The following TSPAN5 variants were observed in gnomAD, a reference collection of about 807,000 sequenced individuals.
The protein encoded by TSPAN5 is tetraspanin-5.
In TSPAN5, 10 loss-of-function variants were observed where a neutral mutation model predicts 37.1. That is an observed-to-expected ratio of 0.27 (90% CI 0.17 to 0.46). The LOEUF is 0.46. Among genes scored for constraint, TSPAN5 ranks in the 20% least tolerant of loss-of-function variants. The pLI is 1.00. For missense variants in TSPAN5, 195 were observed against 326.6 expected (o/e 0.60, Z 3.11); for synonymous variants, 110 against 118.9 (o/e 0.93, Z 0.48).
chr4:98,560,878 T>C (rs1233569361), intron 1 of TSPAN5, among the ~76,000 whole-genome samples: 1 of 152,186 alleles, frequency 6.6e-6, no homozygotes. Flanking sequence ...ATGAAGTGAG[T>C]GGCAAATGTT....
At chr4:98,548,886 G>GGGGTGTGTGT (rs373285784) in intron 1 of TSPAN5, among the ~76,000 whole-genome samples, 1,356 of 57,428 alleles carry the variant, frequency 0.024, 9 homozygotes, top group East Asian at 0.058. Flanking sequence ...AGTATTCCAA[G>GGGGTGTGTGT]GTGTGTGTGT....
intron 1 of TSPAN5, among the ~76,000 whole-genome samples, chr4:98,585,970 T>A (rs564462532): frequency 2.6e-5 from 4 of 152,376 alleles, no homozygotes; most frequent in African/African-American, 9.6e-5. Flanking sequence ...ATCGTATTTT[T>A]AAATTCTGCT....
chr4:98,625,202 C>T (rs1443294198), intron 1 of TSPAN5, among the ~76,000 whole-genome samples: 1 of 152,106 alleles, frequency 6.6e-6, no homozygotes, highest in African/African-American at 2.4e-5. Context: ...GTTTTTTATA[C>T]CCTTCTGCTC....
chr4:98,648,341 G>C (rs1019799546), intron 1 of TSPAN5, among the ~76,000 whole-genome samples: 2 of 152,176 alleles, frequency 1.3e-5, no homozygotes, highest in Non-Finnish European at 2.9e-5. Context: ...ACAGTGGATG[G>C]GGAGGCTGAT....
chr4:98,644,573 T>A (rs1757023434), intron 1 of TSPAN5, among the ~76,000 whole-genome samples: 1 of 152,194 alleles, frequency 6.6e-6, no homozygotes, highest in Non-Finnish European at 1.5e-5. Context: ...TACATATGTA[T>A]ACATGTGACA....
intron 1 of TSPAN5, among the ~76,000 whole-genome samples, chr4:98,635,774 C>A (rs7661136): frequency 0.24 from 36,837 of 152,108 alleles, 4,816 homozygotes; most frequent in South Asian, 0.43. Context: ...ATGCCATCCA[C>A]CTGGCCAGAA....
At chr4:98,571,919 G>A (rs1177936147) in intron 1 of TSPAN5, among the ~76,000 whole-genome samples, 1 of 152,088 alleles carries the variant, frequency 6.6e-6, no homozygotes, top group Non-Finnish European at 1.5e-5. Flanking sequence ...TCCGGTGGTG[G>A]AGAGAGACAA....
intron 1 of TSPAN5, among the ~76,000 whole-genome samples, chr4:98,655,438 GCC>G (rs1757276743): frequency 6.6e-6 from 1 of 152,172 alleles, no homozygotes; most frequent in African/African-American, 2.4e-5. Flanking sequence ...AGAAACTGAG[GCC>G]CAGGCAGTTA....
intron 1 of TSPAN5, among the ~76,000 whole-genome samples, chr4:98,558,837 T>C (rs1754813234): frequency 6.6e-6 from 1 of 152,210 alleles, no homozygotes; most frequent in African/African-American, 2.4e-5. Flanking sequence ...GATTTTCAGA[T>C]GGTCTTTAGA....
chr4:98,590,842 A>G (rs1383255033), intron 1 of TSPAN5, among the ~76,000 whole-genome samples: 2 of 152,206 alleles, frequency 1.3e-5, no homozygotes, highest in African/African-American at 4.8e-5. Context: ...AGACCCCACA[A>G]GGGTGAAATG....
intron 1 of TSPAN5, among the ~76,000 whole-genome samples, chr4:98,509,563 A>G (rs1753557929): frequency 6.6e-6 from 1 of 152,184 alleles, no homozygotes; most frequent in African/African-American, 2.4e-5. Flanking sequence ...TTGATTTGGC[A>G]AGAACTGAAG....
chr4:98,551,474 T>C (rs1430042735), intron 1 of TSPAN5, among the ~76,000 whole-genome samples: 2 of 139,580 alleles, frequency 1.4e-5, no homozygotes, highest in Middle Eastern at 3.4e-3. Flanking sequence ...CTTTGTATGG[T>C]TTTTTCCTTT....
intron 1 of TSPAN5, among the ~76,000 whole-genome samples, chr4:98,578,677 C>T (rs975821919): frequency 6.6e-6 from 1 of 152,206 alleles, no homozygotes; most frequent in Non-Finnish European, 1.5e-5. Flanking sequence ...ACCTCGGCCT[C>T]CCAAAGTGCT....
chr4:98,532,595 G>C (rs1754121255), intron 1 of TSPAN5, among the ~76,000 whole-genome samples: 1 of 123,552 alleles, frequency 8.1e-6, no homozygotes, highest in African/African-American at 3.3e-5. Context: ...TTTGGGCTGA[G>C]ACGATGGGGT....
At chr4:98,573,427 A>G (rs7669964) in intron 1 of TSPAN5, among the ~76,000 whole-genome samples, 1 of 152,034 alleles carries the variant, frequency 6.6e-6, no homozygotes, top group South Asian at 2.1e-4. Flanking sequence ...TTTTGTACAG[A>G]TAGAGTCTAT....
chr4:98,599,302 A>G (rs1755828729), intron 1 of TSPAN5, among the ~76,000 whole-genome samples: 1 of 152,130 alleles, frequency 6.6e-6, no homozygotes, highest in African/African-American at 2.4e-5. Flanking sequence ...CACCATGCCC[A>G]GCAAAAGTCA....
intron 2 of TSPAN5, 104 bp from the exon 3 acceptor site, chr4:98,486,988 T>A (rs1277718918): frequency 2.7e-6 from 3 of 1,125,426 alleles, no homozygotes; most frequent in Non-Finnish European, 3.8e-6. Flanking sequence ...AAGAAAACCT[T>A]CAGAGGGCAT....
At chr4:98,486,196 T>C (rs986540978) in intron 3 of TSPAN5, among the ~76,000 whole-genome samples, 1 of 152,228 alleles carries the variant, frequency 6.6e-6, no homozygotes, top group Non-Finnish European at 1.5e-5. Context: ...ACTCAGACAG[T>C]GATCACGCCA....
chr4:98,533,573 CAG>C (rs1263127176), intron 1 of TSPAN5, among the ~76,000 whole-genome samples: 1 of 18,592 alleles, frequency 5.4e-5, no homozygotes, highest in Non-Finnish European at 8.2e-5. Context: ...TTTCTTGAGA[CAG>C]AGTTTTGCTC....
Sources: allele counts gnomAD v4.1 joint callset (sites outside exome capture counted in the v4.1 genomes callset), GRCh38; gene constraint gnomAD v4.1.1; transcripts MANE v1.5; gene names NCBI Gene and HGNC (gene_info 2026-07-23, HGNC 2026-07-21).